PCDH12: variants seen among roughly 807,000 people sequenced by gnomAD.
The protein encoded by PCDH12 is protocadherin-12.
Under a neutral mutation model 70.9 loss-of-function variants are expected in PCDH12, and 45 were observed. The ratio of observed to expected loss-of-function variants is 0.63; its 90% confidence interval spans 0.50 to 0.81. PCDH12 has a LOEUF of 0.81. Among genes scored for constraint, PCDH12 ranks in the 40% least tolerant of loss-of-function variants. The pLI, the probability that PCDH12 is intolerant of heterozygous loss-of-function variation, is 0.00. For missense variants in PCDH12, 1,370 were observed against 1,491.7 expected, an observed-to-expected ratio of 0.92 and a Z score of 1.34; for synonymous variants, 567 against 626.0, an observed-to-expected ratio of 0.91 and a Z score of 1.41.
chr5:141,953,491 G>A (rs1447413612), intron 1 of PCDH12: 1 of 151,922 alleles, frequency 6.6e-6, no homozygotes, highest in African/African-American at 2.4e-5. Flanking sequence ...ACAGAAATTA[G>A]TGGGAGGGCT....
Position 141,955,458 on chromosome 5 carries a change from C to T in PCDH12, c.2394G>A (p.Val798=). Residue 798 remains valine (V), a synonymous_variant, in exon 1 of 4, where the codon GTG becomes GTA. Coordinates refer to ENST00000231484, the MANE Select transcript of PCDH12 (RefSeq NM_016580.4). This position sits in a 1 kb window ranked among gnomAD's most constrained non-coding sequence, Gnocchi z 5.5. ...PCEVGQSHKD[V]DKEAMMEAGW... is the part of the protein sequence containing the mutation. The stretch of plus-strand genomic sequence containing the variant: ...CTGCTTCCATCATCGCCTCCTTGTC[C>T]ACATCTTTGTGGGACTGCCCGACTT... 6.2e-7 allele frequency: 1 copy of T among 1,614,078 alleles called. No homozygotes were observed. The highest frequency in any genetic ancestry group is 8.5e-7 in the Non-Finnish European group (1 of 1,179,988).
chr5:141,946,806 C>G (rs1752944042), intron 3 of PCDH12, among the ~76,000 whole-genome samples: 1 of 152,022 alleles, frequency 6.6e-6, no homozygotes, highest in African/African-American at 2.4e-5. Flanking sequence ...ACAGAAAATC[C>G]TGTTTCAAGA....
intron 1 of PCDH12, 66 bp downstream of exon 1, chr5:141,954,906 G>A (rs979374348): frequency 6.5e-7 from 1 of 1,537,310 alleles, no homozygotes; most frequent in Non-Finnish European, 8.8e-7. Flanking sequence ...AGGTTATGGG[G>A]GTGTCTGATT....
In PCDH12 at chr5:141,951,503, C is replaced by T. The variant is rs1753081117; in HGVS notation, c.2968G>A (p.Gly990Arg). Residue 990 changes from glycine (G) to arginine (R), a missense_variant, in exon 2 of 4, where the codon GGA (glycine) becomes AGA (arginine). Transcript: ENST00000231484. ...HRGNKYLAKP[G>R]GSRSAIPDTD... Reference sequence around the variant, plus strand: ...CTACGTGCTGCTTACCTGCTGCCTCCTGGCTTGGCCAAGTACTTATTTCCT... The same window carrying T: ...CTACGTGCTGCTTACCTGCTGCCTCTTGGCTTGGCCAAGTACTTATTTCCT... 1 of 1,613,974 alleles carries T rather than the reference C, an allele frequency of 6.2e-7. No individual in the cohort carries two copies. The highest frequency in any genetic ancestry group is 1.7e-5 in the Admixed American group (1 of 59,998).
At position 141,955,249 on chromosome 5, in the gene PCDH12, G is replaced by T. The variant is rs565373949; in HGVS notation, c.2603C>A (p.Pro868His). The change falls in exon 1 of 4, where the codon CCC (proline) becomes CAC (histidine). Residue 868 changes from proline to histidine, a missense_variant. Pro to His is a moderately conservative substitution (Grantham distance 77, BLOSUM62 -2). Coordinates refer to ENST00000231484, the MANE Select transcript of PCDH12 (RefSeq NM_016580.4). This position sits in a 1 kb window ranked among gnomAD's most constrained non-coding sequence, Gnocchi z 5.5. ...ASRENLNLPE[P>H]QPATGQPRSR... ...ACGTGGCTGGCCTGTGGCAGGCTGG[G>T]GCTCGGGAAGGTTCAGGTTCTCCCG... 7 of 1,614,212 alleles carry T rather than the reference G, an allele frequency of 4.3e-6. No individual in the cohort carries two copies. The South Asian group carries it at 5.5e-5, about 13-fold the overall frequency.
intron 3 of PCDH12, 199 bp downstream of exon 3, chr5:141,949,233 T>C (rs1165929323): frequency 1.8e-6 from 1 of 568,574 alleles, no homozygotes; most frequent in African/African-American, 2.2e-5. Context: ...AGACCCTGTC[T>C]AAAAAAAAAA....
In PCDH12 at chr5:141,957,098, C is replaced by T. The variant is rs1183581032; in HGVS notation, c.754G>A (p.Glu252Lys). 4.3e-6 allele frequency: 7 copies of T among 1,614,002 alleles called. No homozygotes were observed. Among genetic ancestry groups the T allele is most frequent in the Non-Finnish European group, 5.9e-6 (7 of 1,180,014 alleles). The change falls in exon 1 of 4, where the codon GAA becomes AAA. Residue 252 changes from glutamate (E) to lysine (K), a missense_variant. Transcript: ENST00000231484. The surrounding 1 kb of genome is among the most constrained non-coding windows in gnomAD (Gnocchi z 4.3). ...PAFAESSLAL[E>K]IQEDAAPGTL... ...CCAGGTGCAGCATCTTCTTGGATTT[C>T]CAGTGCCAGTGAACTCTCAGCAAAC... is the stretch of plus-strand genomic sequence containing the variant.
intron 2 of PCDH12, among the ~76,000 whole-genome samples, chr5:141,950,609 A>G (rs932856766): frequency 1.3e-5 from 2 of 152,124 alleles, no homozygotes; most frequent in African/African-American, 4.8e-5. Context: ...ATAAAGCAAG[A>G]CTTCAAATCC....
chr5:141,949,425 T>A lies in PCDH12; in HGVS notation c.3130+7A>T. 1 of 1,608,924 alleles carries A rather than the reference T, an allele frequency of 6.2e-7. No individual in the cohort carries two copies. Among genetic ancestry groups the A allele is most frequent in the Non-Finnish European group, 8.5e-7 (1 of 1,177,576 alleles). ...GCAGGGTCAAGGTAACTCCAGGGGG[T>A]CCCTACCTGTGCTGGGGTCCAGCAG... On this transcript the variant is annotated splice_region_variant and intron_variant, in intron 3 of 3. Coordinates refer to ENST00000231484, the MANE Select transcript of PCDH12 (RefSeq NM_016580.4).
At chr5:141,947,129 A>G (rs1280859053) in intron 3 of PCDH12, among the ~76,000 whole-genome samples, 1 of 152,244 alleles carries the variant, frequency 6.6e-6, no homozygotes, top group Non-Finnish European at 1.5e-5. Context: ...ATTCCGAAGT[A>G]TGTGTAGTCA....
chr5:141,945,759 C>T lies in PCDH12; in HGVS notation c.3177G>A (p.Ala1059=), dbSNP rs375614422. ...RLSAPDPAWM[A]RLSLPLTTNY... is the part of the protein sequence containing the mutation. ...TGGTGGTGAGGGGCAAAGAGAGTCT[C>T]GCCATCCAGGCCGGGTCAGGGGCGC... The change falls in exon 4 of 4, where the codon GCG becomes GCA. Residue 1059 remains alanine, a synonymous_variant. Transcript: ENST00000231484. 57 of 1,613,714 alleles carry T rather than the reference C, an allele frequency of 3.5e-5. No homozygotes were observed. Among genetic ancestry groups the T allele is most frequent in the African/African-American group, 8.0e-5 (6 of 74,916 alleles).
chr5:141,954,565 A>G (rs1384253448), intron 1 of PCDH12, among the ~76,000 whole-genome samples: 5 of 152,232 alleles, frequency 3.3e-5, no homozygotes, highest in Non-Finnish European at 7.3e-5. Context: ...GTTCAGAGCT[A>G]GGAAGAAGTG....
At chr5:141,953,396 T>G (rs1458797994) in intron 1 of PCDH12, 1 of 152,236 alleles carries the variant, frequency 6.6e-6, no homozygotes, top group Non-Finnish European at 1.5e-5. Context: ...GTGTATAATC[T>G]CATTTAATTC....
At position 141,949,438 on chromosome 5, in the gene PCDH12, T is replaced by TG; in HGVS notation, c.3123dup (p.Ser1042GlnfsTer13). ...AACTCCAGGGGGTCCCTACCTGTGC[T>TG]GGGGTCCAGCAGACTTGACAGCTCT... On this transcript the variant is annotated frameshift_variant, in exon 3 of 4. Transcript: ENST00000231484. LOFTEE classifies it high-confidence loss of function. The TG allele has an allele frequency of 1.2e-6, 2 of 1,613,230 alleles. No individual in the cohort carries two copies. Among genetic ancestry groups the TG allele is most frequent in the Non-Finnish European group, 1.7e-6 (2 of 1,179,490 alleles).
chr5:141,953,592 G>A (rs1196683114), intron 1 of PCDH12, among the ~76,000 whole-genome samples: 1 of 152,160 alleles, frequency 6.6e-6, no homozygotes, highest in Non-Finnish European at 1.5e-5. Context: ...ATCCCAAATG[G>A]GCACCTTTCT....
chr5:141,954,868 G>T, intron 1 of PCDH12, 104 bp downstream of exon 1: 1 of 1,417,332 alleles, frequency 7.1e-7, no homozygotes. Context: ...TGCCAGGTGA[G>T]CCTAAGGAAG....
In PCDH12 at chr5:141,957,273, A is replaced by G. The variant is rs771644002; in HGVS notation, c.579T>C (p.His193=). Residue 193 remains histidine, a synonymous_variant, in exon 1 of 4, where the codon CAT becomes CAC. Transcript: ENST00000231484. This position sits in a 1 kb window ranked among gnomAD's most constrained non-coding sequence, Gnocchi z 4.3. ...GCTCCTTCACCACTATGAGTTCTGC[A>G]TGTTTGGTCTCATCAGGGCCCACAA... ...DVIVGPDETK[H]AELIVVKELD... 12 of 1,613,862 alleles carry G rather than the reference A, an allele frequency of 7.4e-6. No homozygotes were observed. The highest frequency in any genetic ancestry group is 6.7e-5 in the Admixed American group (4 of 59,980).
rs1414438084 is a variant in PCDH12, at chr5:141,945,344, C to T, written c.*37G>A. 3 of 1,562,528 alleles carry T rather than the reference C, an allele frequency of 1.9e-6. No homozygotes were observed. The highest frequency in any genetic ancestry group is 2.6e-6 in the Non-Finnish European group (3 of 1,156,556). ...CAGCTCTTGTCCACAGATCCTCAGG[C>T]CCCTGGTTCTTGGATCCAGAGGCGT... On this transcript the variant is annotated 3_prime_UTR_variant, in exon 4 of 4. Coordinates refer to ENST00000231484, the MANE Select transcript of PCDH12 (RefSeq NM_016580.4).
intron 3 of PCDH12, among the ~76,000 whole-genome samples, chr5:141,946,947 ATGTTTG>A: frequency 6.6e-6 from 1 of 152,212 alleles, no homozygotes; most frequent in Admixed American, 6.5e-5. Context: ...CATTTATCTA[ATGTTTG>A]CCTAAGGTGA....
Sources: allele counts gnomAD v4.1 joint callset (sites outside exome capture counted in the v4.1 genomes callset), GRCh38; gene constraint gnomAD v4.1.1; non-coding constraint Gnocchi (gnomAD v3.1); transcripts MANE v1.5; gene names NCBI Gene and HGNC (gene_info 2026-07-23, HGNC 2026-07-21).